The following CACNA2D3 variants were observed in gnomAD, a reference collection of about 807,000 sequenced individuals.
CACNA2D3 encodes voltage-dependent calcium channel subunit alpha-2/delta-3.
In CACNA2D3, 60 loss-of-function variants were observed where a neutral mutation model predicts 160.6. That is an observed-to-expected ratio of 0.37 (90% confidence interval 0.30 to 0.46). The LOEUF is 0.46. Ranked by LOEUF, CACNA2D3 falls within the 20% of genes least tolerant of loss-of-function variation. CACNA2D3 has a pLI of 1.00. For missense variants in CACNA2D3, 1,205 were observed against 1,365.0 expected (o/e 0.88, Z 1.85); for synonymous variants, 558 against 492.9 (o/e 1.13, Z -1.75).
rs1703787190 is a variant in CACNA2D3 at position 54,313,432 on chromosome 3, A to T, written c.205-7010A>T. Among the ~76,000 whole-genome samples the T allele has an allele frequency of 2.6e-5, 4 of 152,108 alleles. No individual in the cohort carries two copies. In the South Asian group the frequency reaches 8.3e-4, roughly 32 times the overall value. On this transcript the variant is annotated intron_variant, in intron 2 of 37. Coordinates refer to ENST00000474759, the MANE Select transcript of CACNA2D3 (RefSeq NM_018398.3). ...GCACACTGAGGTTATTCAAAAGTAC[A>T]GACCTGATCACTGATCCCTCCTACC...
chr3:54,933,760 CTTTT>C (rs34842038), intron 27 of CACNA2D3, among the ~76,000 whole-genome samples: 9 of 141,134 alleles, frequency 6.4e-5, no homozygotes, highest in Admixed American at 2.1e-4. Flanking sequence ...ATTACTATTA[CTTTT>C]TTTTTTTTTT....
intron 4 of CACNA2D3, among the ~76,000 whole-genome samples, chr3:54,487,072 T>C (rs1412113612): frequency 6.6e-6 from 1 of 152,180 alleles, no homozygotes; most frequent in Non-Finnish European, 1.5e-5. Flanking sequence ...GATGAACTTA[T>C]TATTCACATA....
chr3:54,739,677 A>G (rs1420787145), intron 11 of CACNA2D3, among the ~76,000 whole-genome samples: 1 of 151,824 alleles, frequency 6.6e-6, no homozygotes, highest in Admixed American at 6.6e-5. Flanking sequence ...TGTCCTATTC[A>G]GGGAAACCAA....
intron 23 of CACNA2D3, among the ~76,000 whole-genome samples, chr3:54,885,787 C>G (rs1699911490): frequency 6.6e-6 from 1 of 152,162 alleles, no homozygotes; most frequent in Non-Finnish European, 1.5e-5. Flanking sequence ...AATCCCCAAT[C>G]CTGGTTTAGC....
At chr3:54,973,015 GATC>G (rs1702309428) in intron 29 of CACNA2D3, among the ~76,000 whole-genome samples, 1 of 152,122 alleles carries the variant, frequency 6.6e-6, no homozygotes, top group Non-Finnish European at 1.5e-5. Context: ...AAACTTATAT[GATC>G]ATCAATTGTG....
chr3:54,555,276 C>G (rs1242563399), intron 5 of CACNA2D3, among the ~76,000 whole-genome samples: 1 of 152,150 alleles, frequency 6.6e-6, no homozygotes, highest in Non-Finnish European at 1.5e-5. Context: ...GCTTTACATC[C>G]ATTAATTTGC....
intron 11 of CACNA2D3, among the ~76,000 whole-genome samples, chr3:54,672,263 C>A (rs929733115): frequency 5.9e-5 from 9 of 152,182 alleles, no homozygotes. Flanking sequence ...CTTAATTAGG[C>A]TGGCTGCTTT....
chr3:55,018,364 C>A, intron 35 of CACNA2D3, 47 bp downstream of exon 35: 2 of 1,195,682 alleles, frequency 1.7e-6, no homozygotes, highest in Non-Finnish European at 2.5e-6. Flanking sequence ...TTCTGCTCAG[C>A]ACAGAACTTT....
chr3:54,270,823 C>T (rs555962240), intron 2 of CACNA2D3, among the ~76,000 whole-genome samples: 1 of 152,338 alleles, frequency 6.6e-6, no homozygotes, highest in African/African-American at 2.4e-5. Flanking sequence ...CTCCTTCAGG[C>T]TGCCCTCATT....
intron 34 of CACNA2D3, among the ~76,000 whole-genome samples, chr3:55,016,443 T>C (rs1458463348): frequency 6.6e-6 from 1 of 152,238 alleles, no homozygotes; most frequent in African/African-American, 2.4e-5. Context: ...GCTTACCTGC[T>C]GTCACACAGC....
At chr3:54,444,810 A>G (rs956704873) in intron 4 of CACNA2D3, among the ~76,000 whole-genome samples, 2 of 152,180 alleles carry the variant, frequency 1.3e-5, no homozygotes, top group Non-Finnish European at 2.9e-5. Flanking sequence ...TTGGCTCATC[A>G]CTCAGTACTA....
intron 37 of CACNA2D3, 107 bp downstream of exon 37, chr3:55,073,966 C>A (rs1704882464): frequency 8.9e-7 from 1 of 1,119,476 alleles, no homozygotes; most frequent in Non-Finnish European, 1.3e-6. Context: ...AGAAAATAAT[C>A]CCTTTCATTC....
At chr3:54,547,939 C>T (rs879189492) in intron 5 of CACNA2D3, among the ~76,000 whole-genome samples, 3 of 152,156 alleles carry the variant, frequency 2.0e-5, no homozygotes, top group Admixed American at 2.0e-4. Context: ...AATGATCCTC[C>T]TGCCTTGACC....
At chr3:54,496,992 A>G (rs1701213167) in intron 4 of CACNA2D3, among the ~76,000 whole-genome samples, 1 of 152,080 alleles carries the variant, frequency 6.6e-6, no homozygotes, top group African/African-American at 2.4e-5. Flanking sequence ...TGCTTATACC[A>G]TACTGCTTTG....
chr3:54,403,353 T>TGAAACA (rs1413788845), intron 4 of CACNA2D3, among the ~76,000 whole-genome samples: 6 of 100,284 alleles, frequency 6.0e-5, no homozygotes, highest in African/African-American at 2.5e-4. Context: ...GGACCCTATC[T>TGAAACA]CAAACACACA....
chr3:55,030,774 T>G (rs1703670050), intron 35 of CACNA2D3, among the ~76,000 whole-genome samples: 1 of 152,172 alleles, frequency 6.6e-6, no homozygotes, highest in Admixed American at 6.5e-5. Flanking sequence ...TGATTACAAC[T>G]TTGAGGATCC....
chr3:54,599,555 G>GT (rs1410157163), intron 9 of CACNA2D3, among the ~76,000 whole-genome samples: 1 of 152,024 alleles, frequency 6.6e-6, no homozygotes, highest in African/African-American at 2.4e-5. Flanking sequence ...ATGAGTTTCT[G>GT]TTTTTTCTTC....
At chr3:54,711,751 A>G (rs1700958169) in intron 11 of CACNA2D3, among the ~76,000 whole-genome samples, 1 of 152,258 alleles carries the variant, frequency 6.6e-6, no homozygotes, top group Non-Finnish European at 1.5e-5. Context: ...GGATGATGTT[A>G]GGTAGACAGT....
At chr3:54,764,190 A>G (rs1355945167) in intron 12 of CACNA2D3, 28 bp from the exon 13 acceptor site, 1 of 1,612,842 alleles carries the variant, frequency 6.2e-7, no homozygotes, top group Non-Finnish European at 8.5e-7. Context: ...TCTGTTACTA[A>G]ACTTGGCCCT....
Sources: allele counts gnomAD v4.1 joint callset (sites outside exome capture counted in the v4.1 genomes callset), GRCh38; gene constraint gnomAD v4.1.1; transcripts MANE v1.5; gene names NCBI Gene and HGNC (gene_info 2026-07-23, HGNC 2026-07-21).